The following PTPRG variants were observed in gnomAD, a reference collection of about 807,000 sequenced individuals.
PTPRG encodes the protein protein tyrosine phosphatase receptor type G, also known as receptor-type tyrosine-protein phosphatase gamma.
In PTPRG, 102 loss-of-function variants were observed where a neutral mutation model predicts 165.3. The ratio of observed to expected loss-of-function variants is 0.62; its 90% CI spans 0.53 to 0.73. PTPRG has a LOEUF of 0.73. Among genes scored for constraint, PTPRG ranks in the 30% least tolerant of loss-of-function variants. The pLI is 0.00. For missense variants in PTPRG, 1,866 were observed against 1,861.4 expected (o/e 1.00, Z -0.05); for synonymous variants, 675 against 669.5 (o/e 1.01, Z -0.13).
At chr3:62,242,856 C>T (rs1179806336) in intron 14 of PTPRG, among the ~76,000 whole-genome samples, 2 of 152,062 alleles carry the variant, frequency 1.3e-5, no homozygotes, top group African/African-American at 2.4e-5. Context: ...TGGTGTGCGA[C>T]GCCAGAGGAG....
At position 62,208,114 on chromosome 3, in the gene PTPRG, G is replaced by A. The variant is rs575795426; in HGVS notation, c.2155+4164G>A. On this transcript the variant is annotated intron_variant, in intron 12 of 29. Transcript: ENST00000474889. ...GCGGGTGGTCAACCTCTACTGTAGT[G>A]TTGATTGCTAGAGTTGCAACTTCCT... is the stretch of plus-strand genomic sequence containing the variant. Among the ~76,000 whole-genome samples, 274 of 152,324 alleles carry A rather than the reference G, an allele frequency of 1.8e-3. 1 individual carries two copies. Among genetic ancestry groups the A allele is most frequent in the African/African-American group, 6.3e-3 (261 of 41,568 alleles).
At chr3:61,605,595 G>C (rs1191835414) in intron 1 of PTPRG, among the ~76,000 whole-genome samples, 4 of 151,702 alleles carry the variant, frequency 2.6e-5, no homozygotes, top group Non-Finnish European at 5.9e-5. Context: ...TTTAGAAAGA[G>C]TCTTGCTCCG....
At chr3:61,924,076 C>G (rs772093002) in intron 2 of PTPRG, among the ~76,000 whole-genome samples, 7 of 152,160 alleles carry the variant, frequency 4.6e-5, no homozygotes, top group Non-Finnish European at 7.3e-5. Context: ...GGATCTCCTA[C>G]TGGATTTTCC....
chr3:62,109,204 C>T (rs1021746348), intron 5 of PTPRG, among the ~76,000 whole-genome samples: 1 of 152,134 alleles, frequency 6.6e-6, no homozygotes, highest in Non-Finnish European at 1.5e-5. Context: ...TTTGATCCAT[C>T]TTGAGTTGAT....
At chr3:62,176,004 A>G (rs1159661569) in intron 8 of PTPRG, among the ~76,000 whole-genome samples, 2 of 152,358 alleles carry the variant, frequency 1.3e-5, no homozygotes, top group South Asian at 2.1e-4. Flanking sequence ...AGGAGTTAAG[A>G]TCTTCTAGCA....
chr3:62,254,711 C>T lies in PTPRG; in HGVS notation c.2468-413C>T, dbSNP rs1701498163. 6.6e-6 allele frequency among the ~76,000 whole-genome samples: 1 copy of T among 151,852 alleles called. No homozygotes were observed. Among genetic ancestry groups the T allele is most frequent in the Non-Finnish European group, 1.5e-5 (1 of 67,978 alleles). On this transcript the variant is annotated intron_variant, in intron 15 of 29. Transcript: ENST00000474889. The surrounding 1 kb of genome is among the most constrained non-coding windows in gnomAD (Gnocchi z 4.6). ...TTAATTGCTTAAAGTTCAAGCTGGA[C>T]TCCATTGAACAGCAATTAAAAAAAA...
At chr3:61,750,674 T>C (rs1353327329) in intron 2 of PTPRG, 1 of 152,224 alleles carries the variant, frequency 6.6e-6, no homozygotes, top group African/African-American at 2.4e-5. Context: ...AACTCTGCCA[T>C]TGTAGCTTAA....
rs77059204 is a variant in PTPRG at position 61,619,177 on chromosome 3, G to C, written c.85+56805G>C. Among the ~76,000 whole-genome samples the C allele has an allele frequency of 5.7e-3, 867 of 151,708 alleles. 34 individuals carry two copies. The East Asian group carries it at 0.088, about 15-fold the overall frequency. On this transcript the variant is annotated intron_variant, in intron 1 of 29. Transcript: ENST00000474889. ...GTCTCAAAAATTAAAAAAAGAAAAG[G>C]TACCTTAGCATACAGAGCCTTCTTC...
At chr3:61,775,373 TTAAA>T (rs1202577767) in intron 2 of PTPRG, among the ~76,000 whole-genome samples, 2 of 152,128 alleles carry the variant, frequency 1.3e-5, no homozygotes, top group African/African-American at 4.8e-5. Flanking sequence ...ACCAGGCCCC[TTAAA>T]TAAAATCCTT....
intron 2 of PTPRG, among the ~76,000 whole-genome samples, chr3:61,875,912 G>T (rs2037726941): frequency 6.6e-6 from 1 of 152,108 alleles, no homozygotes; most frequent in East Asian, 1.9e-4. Flanking sequence ...GGCCTCACTG[G>T]TTTCCCACTG....
At chr3:61,830,566 G>GTTTTTTTTT (rs57644199) in intron 2 of PTPRG, among the ~76,000 whole-genome samples, 8 of 86,534 alleles carry the variant, frequency 9.2e-5, no homozygotes, top group Admixed American at 3.1e-4. Context: ...TTTTGTTTTT[G>GTTTTTTTTT]TTTTTTTTTT....
chr3:62,133,884 G>C (rs1224459056), intron 6 of PTPRG, among the ~76,000 whole-genome samples: 1 of 152,122 alleles, frequency 6.6e-6, no homozygotes, highest in South Asian at 2.1e-4. Context: ...TCGAGAGGCT[G>C]AGGCAGGAGA....
intron 4 of PTPRG, among the ~76,000 whole-genome samples, chr3:62,065,064 A>G (rs1700965899): frequency 6.7e-6 from 1 of 149,974 alleles, no homozygotes; most frequent in South Asian, 2.1e-4. Flanking sequence ...GAGCAGAAGT[A>G]CCCATCCAAT....
chr3:62,224,407 GAT>G lies in PTPRG; in HGVS notation c.2288+5426_2288+5427del, dbSNP rs1404485676. On this transcript the variant is annotated intron_variant, in intron 13 of 29. Coordinates refer to ENST00000474889, the MANE Select transcript of PTPRG (RefSeq NM_002841.4). This position sits in a 1 kb window ranked among gnomAD's most constrained non-coding sequence, Gnocchi z 4.9. ...ATATCTCCCAAACTGGTGTAGCAGG[GAT>G]AGAGAAGTTGAGGAGGCACCAAGCT... Among the ~76,000 whole-genome samples the G allele has an allele frequency of 6.6e-6, 1 of 152,200 alleles. No individual in the cohort carries two copies. Among genetic ancestry groups the G allele is most frequent in the Non-Finnish European group, 1.5e-5 (1 of 68,034 alleles).
intron 13 of PTPRG, among the ~76,000 whole-genome samples, chr3:62,230,019 G>A (rs1438821057): frequency 2.0e-5 from 3 of 152,212 alleles, no homozygotes; most frequent in East Asian, 1.9e-4. Flanking sequence ...TCAGATTAAT[G>A]TTCATAGCCA....
At chr3:61,929,341 GA>G (rs11448196) in intron 2 of PTPRG, among the ~76,000 whole-genome samples, 131 of 149,084 alleles carry the variant, frequency 8.8e-4, no homozygotes, top group African/African-American at 2.1e-3. Flanking sequence ...GTTTAAATTT[GA>G]AAAAAAAAAT....
At chr3:62,291,057 T>TAGTA (rs1702874005) in intron 28 of PTPRG, among the ~76,000 whole-genome samples, 1 of 152,032 alleles carries the variant, frequency 6.6e-6, no homozygotes, top group South Asian at 2.1e-4. Context: ...GAGGCAAACT[T>TAGTA]AGTAGAAAAG....
chr3:61,738,287 T>TAG, intron 1 of PTPRG, among the ~76,000 whole-genome samples: 1 of 69,074 alleles, frequency 1.4e-5, no homozygotes, highest in South Asian at 5.4e-4. Context: ...TACATATATA[T>TAG]ATATATATAT....
chr3:61,827,204 G>A (rs905474960), intron 2 of PTPRG, among the ~76,000 whole-genome samples: 1 of 152,202 alleles, frequency 6.6e-6, no homozygotes, highest in Non-Finnish European at 1.5e-5. Flanking sequence ...CCCCTAAGTG[G>A]TGCATTTGCA....
Sources: allele counts gnomAD v4.1 joint callset (sites outside exome capture counted in the v4.1 genomes callset), GRCh38; gene constraint gnomAD v4.1.1; non-coding constraint Gnocchi (gnomAD v3.1); transcripts MANE v1.5; gene names NCBI Gene and HGNC (gene_info 2026-07-23, HGNC 2026-07-21).